The following TRIO variants were observed in gnomAD, a reference collection of about 807,000 sequenced individuals.
TRIO encodes the protein trio Rho guanine nucleotide exchange factor.
Under a neutral mutation model 351.9 loss-of-function variants are expected in TRIO, and 58 were observed. That is an observed-to-expected ratio of 0.16 (90% CI 0.13 to 0.21). The LOEUF (loss-of-function observed/expected upper bound fraction) is 0.21. Among genes scored for constraint, TRIO ranks in the 10% least tolerant of loss-of-function variants. The pLI, the probability that TRIO is intolerant of heterozygous loss-of-function variation, is 1.00. For missense variants in TRIO, 3,201 were observed against 4,027.8 expected, an observed-to-expected ratio of 0.79 and a Z score of 5.56; for synonymous variants, 1,758 against 1,595.7, an observed-to-expected ratio of 1.10 and a Z score of -2.42.
intron 1 of TRIO, among the ~76,000 whole-genome samples, chr5:14,217,151 T>TAA (rs1293579817): frequency 6.6e-6 from 1 of 152,212 alleles, no homozygotes; most frequent in East Asian, 1.9e-4. Context: ...CATTGTTTAC[T>TAA]AAAGGATGTT....
At chr5:14,479,600 C>T in intron 42 of TRIO, among the ~76,000 whole-genome samples, 1 of 152,206 alleles carries the variant, frequency 6.6e-6, no homozygotes, top group Non-Finnish European at 1.5e-5. Context: ...ATAAGTGTTA[C>T]ACTTAAGTCT....
chr5:14,441,042 C>G (rs1313968002), intron 34 of TRIO: 1 of 152,194 alleles, frequency 6.6e-6, no homozygotes. Context: ...GGGAGAGGCG[C>G]GCGCTGGGCC....
intron 1 of TRIO, among the ~76,000 whole-genome samples, chr5:14,186,915 A>G (rs62344640): frequency 0.075 from 11,347 of 152,260 alleles, 668 homozygotes; most frequent in African/African-American, 0.16. Flanking sequence ...CTTGGGCACA[A>G]TGCCACATGA....
chr5:14,487,880 C>A lies in TRIO; in HGVS notation c.7252C>A (p.Pro2418Thr). ...CCCCAAGATGAAGGTGCTGGAGAGC[C>A]CCAGGAAAGGCGCCGCGAACGCCTC... ...PIPKMKVLESPRKGAANASGS... is the reference protein window; with the variant it reads ...PIPKMKVLESTRKGAANASGS... Residue 2418 changes from proline (P) to threonine (T), a missense_variant, in exon 48 of 57, where the codon CCC (proline) becomes ACC (threonine). Pro to Thr is a conservative substitution (Grantham distance 38, BLOSUM62 -1). Coordinates refer to ENST00000344204, the MANE Select transcript of TRIO (RefSeq NM_007118.4). 1 of 1,540,954 alleles carries A rather than the reference C, an allele frequency of 6.5e-7. No homozygotes were observed. The highest frequency in any genetic ancestry group is 1.2e-5 in the South Asian group (1 of 83,448).
At chr5:14,210,719 C>A (rs866186711) in intron 1 of TRIO, among the ~76,000 whole-genome samples, 6 of 152,064 alleles carry the variant, frequency 3.9e-5, no homozygotes, top group African/African-American at 2.4e-5. Flanking sequence ...ATTTTTCCAT[C>A]AGTTATTGTA....
intron 13 of TRIO, 124 bp downstream of exon 13, chr5:14,359,655 C>A: frequency 8.6e-7 from 1 of 1,161,470 alleles, no homozygotes; most frequent in Admixed American, 2.6e-5. Context: ...CAACCCTCTG[C>A]ACCAGGAGGG....
intron 1 of TRIO, among the ~76,000 whole-genome samples, chr5:14,213,580 G>A (rs750966482): frequency 6.6e-6 from 1 of 152,010 alleles, no homozygotes; most frequent in Non-Finnish European, 1.5e-5. Flanking sequence ...GATATGAGTG[G>A]GAAAAGTATT....
In TRIO at chr5:14,286,726, A is replaced by T. The variant is rs1736474744; in HGVS notation, c.348-145A>T. ...ATGGTACAAGGGAGGGACGAGAAGGAGCTGAGCACAGTGTGCTCCTTCCCC... is the reference window on the plus strand; with the variant it reads ...ATGGTACAAGGGAGGGACGAGAAGGTGCTGAGCACAGTGTGCTCCTTCCCC... On this transcript the variant is annotated intron_variant, in intron 3 of 56. Coordinates refer to ENST00000344204, the MANE Select transcript of TRIO (RefSeq NM_007118.4). The surrounding 1 kb of genome is among the most constrained non-coding windows in gnomAD (Gnocchi z 4.4). 10 of 732,868 alleles carry T rather than the reference A, an allele frequency of 1.4e-5. No homozygotes were observed. The South Asian group carries it at 1.8e-4, about 13-fold the overall frequency. 45.4% of individuals were successfully genotyped at this position (732,868 alleles called of 1,614,324 possible).
At chr5:14,492,460 T>C in intron 48 of TRIO, 107 bp from the exon 49 acceptor site, 1 of 1,500,570 alleles carries the variant, frequency 6.7e-7, no homozygotes, top group Non-Finnish European at 9.0e-7. Flanking sequence ...TGGTGAGCCC[T>C]GCACGGGGTC....
chr5:14,278,152 C>T (rs963060322), intron 2 of TRIO, among the ~76,000 whole-genome samples: 3 of 152,220 alleles, frequency 2.0e-5, no homozygotes, highest in Non-Finnish European at 4.4e-5. Flanking sequence ...CTCACTAGTG[C>T]TACCAGCCTG....
At chr5:14,156,018 C>G (rs1191837702) in intron 1 of TRIO, among the ~76,000 whole-genome samples, 1 of 152,130 alleles carries the variant, frequency 6.6e-6, no homozygotes, top group Admixed American at 6.5e-5. Flanking sequence ...CTTTCCTTAT[C>G]TTCCACTTAT....
chr5:14,310,454 T>C (rs1738818930), intron 8 of TRIO, among the ~76,000 whole-genome samples: 1 of 152,238 alleles, frequency 6.6e-6, no homozygotes, highest in Non-Finnish European at 1.5e-5. Context: ...TTAACAAATG[T>C]GCCAACTTAG....
intron 1 of TRIO, among the ~76,000 whole-genome samples, chr5:14,222,851 G>T (rs1186403736): frequency 2.6e-5 from 4 of 152,338 alleles, no homozygotes; most frequent in South Asian, 2.1e-4. Context: ...TAAGGCGCGG[G>T]CTTGGTAGGG....
intron 1 of TRIO, among the ~76,000 whole-genome samples, chr5:14,145,290 C>CT (rs1787441226): frequency 6.6e-6 from 1 of 152,228 alleles, no homozygotes; most frequent in South Asian, 2.1e-4. Flanking sequence ...TGGTTTAGTA[C>CT]TGTCTTCTCT....
chr5:14,403,069 G>T (rs1172332391), intron 31 of TRIO, among the ~76,000 whole-genome samples: 1 of 148,170 alleles, frequency 6.7e-6, no homozygotes, highest in Middle Eastern at 3.3e-3. Context: ...GAGGGTGCAG[G>T]TTGTGGTGAG....
Position 14,488,064 on chromosome 5 carries a change from T to G in TRIO, c.7436T>G (p.Leu2479Arg), listed in dbSNP as rs2126639499. 6.2e-7 allele frequency: 1 copy of G among 1,609,316 alleles called. No individual in the cohort carries two copies. The highest frequency in any genetic ancestry group is 8.5e-7 in the Non-Finnish European group (1 of 1,178,776). The change falls in exon 48 of 57, where the codon CTG becomes CGG. Residue 2479 changes from leucine (L) to arginine (R), a missense_variant. Leu to Arg is a moderately radical substitution (Grantham distance 102, BLOSUM62 -2). This residue lies in a region of TRIO where 1,089 missense variants were observed against 954.9 expected (regional missense o/e 1.14). Transcript: ENST00000344204. The stretch of plus-strand genomic sequence containing the variant: ...GAGCCCTTCCCCCCCAGCAGCCCCC[T>G]GCAGAAGGGGGGCTCCTTCTGGAGC... ...GKEPFPPSSP[L>R]QKGGSFWSSI...
At chr5:14,243,707 G>C (rs1794264282) in intron 1 of TRIO, among the ~76,000 whole-genome samples, 1 of 152,120 alleles carries the variant, frequency 6.6e-6, no homozygotes, top group Admixed American at 6.5e-5. Context: ...AAATAATTAG[G>C]TGCATTAAAA....
At position 14,241,764 on chromosome 5, in the gene TRIO, A is replaced by G. The variant is rs374911723; in HGVS notation, c.158-29061A>G. Among the ~76,000 whole-genome samples, 14 of 152,316 alleles carry G rather than the reference A, an allele frequency of 9.2e-5. No individual in the cohort carries two copies. The East Asian group carries it at 2.3e-3, about 25-fold the overall frequency. On this transcript the variant is annotated intron_variant, in intron 1 of 56. Transcript: ENST00000344204. ...TCTTCTGTCTTCCCCCAGACACTCT[A>G]TAATTGGATTTGCTTCTAGGTTTAC... is the stretch of plus-strand genomic sequence containing the variant.
intron 1 of TRIO, among the ~76,000 whole-genome samples, chr5:14,233,102 A>G (rs1185170908): frequency 6.6e-6 from 1 of 152,046 alleles, no homozygotes; most frequent in East Asian, 1.9e-4. Context: ...GGTTCATTGG[A>G]AGTCTGGGAC....
Sources: allele counts gnomAD v4.1 joint callset (sites outside exome capture counted in the v4.1 genomes callset), GRCh38; gene constraint gnomAD v4.1.1; regional missense constraint gnomAD v4.1.1; non-coding constraint Gnocchi (gnomAD v3.1); transcripts MANE v1.5; gene names NCBI Gene and HGNC (gene_info 2026-07-23, HGNC 2026-07-21).